The following TMEM131 variants were observed in gnomAD, a reference collection of about 807,000 sequenced individuals.
The protein encoded by TMEM131 is 2610524E03Rik.
Under a neutral mutation model 211.6 loss-of-function variants are expected in TMEM131, and 66 were observed. The observed-to-expected ratio is 0.31, with a 90% CI of 0.26 to 0.38. TMEM131 has a LOEUF of 0.38. TMEM131 is among the 10% of genes least tolerant of loss of function. The pLI is 1.00. For missense variants in TMEM131, 2,036 were observed against 2,299.3 expected (o/e 0.89, Z 2.34); for synonymous variants, 844 against 841.3 (o/e 1.00, Z -0.06).
Position 97,906,297 on chromosome 2 carries a change from C to A in TMEM131, c.290+2361G>T, listed in dbSNP as rs186701921. 3.3e-5 allele frequency among the ~76,000 whole-genome samples: 5 copies of A among 152,214 alleles called. No homozygotes were observed. The East Asian group carries it at 9.7e-4, about 29-fold the overall frequency. ...ACTAAGACATGTTTTAGGGCTTAAC[C>A]CAGTCCCATACCCAATCTGCATACT... On this transcript the variant is annotated intron_variant, in intron 3 of 40. Transcript: ENST00000186436.
chr2:97,818,416 A>AT (rs1681936855), intron 12 of TMEM131, among the ~76,000 whole-genome samples, 197 bp downstream of exon 12: 1 of 119,928 alleles, frequency 8.3e-6, no homozygotes, highest in Non-Finnish European at 1.6e-5. Context: ...AAGTTGTGGT[A>AT]TTTTCTCTCA....
rs1014319659 is a variant in TMEM131 at position 97,827,201 on chromosome 2, G to A, written c.1074+6164C>T. On this transcript the variant is annotated intron_variant, in intron 11 of 40. Transcript: ENST00000186436. ...GCCCAGTTTCGTGAAGGCTCTTGGC[G>A]CGCCGCGGCCCGCAGGCACCTGGCA... is the stretch of plus-strand genomic sequence containing the variant. 34 of 690,650 alleles carry A rather than the reference G, an allele frequency of 4.9e-5. 1 individual carries two copies. Among genetic ancestry groups the A allele is most frequent in the Admixed American group, 8.6e-5 (4 of 46,578 alleles). The allele number at this position is 690,650 out of a possible 1,614,324, so 42.8% of individuals were successfully genotyped here. A position where few individuals can be genotyped will look rare whatever the true frequency, so the allele number is the denominator to read the frequency against.
intron 1 of TMEM131, among the ~76,000 whole-genome samples, chr2:97,959,337 C>T (rs1638535231): frequency 6.6e-6 from 1 of 152,108 alleles, no homozygotes; most frequent in Non-Finnish European, 1.5e-5. Context: ...AAGAGCTGGA[C>T]AGGTTTGAAG....
intron 2 of TMEM131, chr2:97,913,014 T>C (rs1177654333): frequency 6.6e-6 from 1 of 152,236 alleles, no homozygotes; most frequent in Non-Finnish European, 1.5e-5. Flanking sequence ...GCAATTTTGT[T>C]TCCCTGGGGG....
chr2:97,772,233 G>A (rs901199259), intron 33 of TMEM131, 64 bp downstream of exon 33: 9 of 1,566,370 alleles, frequency 5.7e-6, no homozygotes, highest in Non-Finnish European at 6.9e-6. Context: ...AATCAAAACA[G>A]CACCTGGTTT....
intron 4 of TMEM131, among the ~76,000 whole-genome samples, chr2:97,863,560 T>C (rs1394904646): frequency 6.6e-6 from 1 of 151,976 alleles, no homozygotes; most frequent in South Asian, 2.1e-4. Flanking sequence ...AAGGAAAAAA[T>C]CTAATAACCT....
chr2:97,773,055 T>G (rs985568775), intron 32 of TMEM131, among the ~76,000 whole-genome samples: 11 of 152,212 alleles, frequency 7.2e-5, no homozygotes, highest in African/African-American at 2.4e-4. Context: ...AAACACTGTA[T>G]TTCCTTAAAA....
intron 11 of TMEM131, among the ~76,000 whole-genome samples, chr2:97,827,068 CAAAAA>C (rs66841026): frequency 2.1e-5 from 2 of 93,680 alleles, no homozygotes; most frequent in African/African-American, 4.1e-5. Flanking sequence ...AAGTGATAAG[CAAAAA>C]AAAAAAAAAA....
chr2:97,758,289 CAA>C (rs913567161), intron 40 of TMEM131, among the ~76,000 whole-genome samples: 2 of 152,142 alleles, frequency 1.3e-5, no homozygotes, highest in Admixed American at 6.5e-5. Context: ...TCTCTGAGAA[CAA>C]AGAGGCAAAC....
At chr2:97,955,475 T>C (rs955728756) in intron 1 of TMEM131, among the ~76,000 whole-genome samples, 3 of 152,034 alleles carry the variant, frequency 2.0e-5, no homozygotes, top group East Asian at 1.9e-4. Context: ...ATAAAATGCA[T>C]ACAGATCAGG....
chr2:97,811,372 T>A lies in TMEM131; in HGVS notation c.1864-140A>T. ...ATGACACTGAATTACCATATCACTG[T>A]GTACAAATATCTCAAAATAGTGTCC... On this transcript the variant is annotated intron_variant, in intron 17 of 40. Coordinates refer to ENST00000186436, the MANE Select transcript of TMEM131 (RefSeq NM_015348.2). 10 of 658,088 alleles carry A rather than the reference T, an allele frequency of 1.5e-5. No homozygotes were observed. In the South Asian group the frequency reaches 1.7e-4, roughly 11 times the overall value. The allele number at this position is 658,088 out of a possible 1,614,324, so 40.8% of individuals were successfully genotyped here. A position where few individuals can be genotyped will look rare whatever the true frequency, so the allele number is the denominator to read the frequency against.
Position 97,988,681 on chromosome 2 carries a change from C to T in TMEM131, c.187+6795G>A, listed in dbSNP as rs72817729. On this transcript the variant is annotated intron_variant, in intron 1 of 40. Transcript: ENST00000186436. ...AAGGATATGAAAAGACGCTCAATAT[C>T]ATTAATCATTAGAAAAATGCAAATC... Among the ~76,000 whole-genome samples, 1,285 of 152,136 alleles carry T rather than the reference C, an allele frequency of 8.4e-3. 12 individuals carry two copies. The highest frequency in any genetic ancestry group is 0.012 in the Admixed American group (187 of 15,282).
chr2:97,758,886 T>C lies in TMEM131; in HGVS notation c.5367+7A>G. 6.2e-7 allele frequency: 1 copy of C among 1,606,020 alleles called. No homozygotes were observed. On this transcript the variant is annotated splice_region_variant and intron_variant, in intron 40 of 40. Transcript: ENST00000186436. ...TCCAGGCCCCAGCCCCAGCCCCAAG[T>C]ACTCACTGTGGCTGTGTGGGTCGGG...
chr2:97,923,636 A>AAAAAAAAAAAAAG (rs1676846151), intron 2 of TMEM131, among the ~76,000 whole-genome samples: 2 of 148,198 alleles, frequency 1.3e-5, no homozygotes, highest in East Asian at 4.0e-4. Flanking sequence ...TTTAAAAAAA[A>AAAAAAAAAAAAAG]AAAAAAAAAA....
At chr2:97,796,511 C>A in intron 27 of TMEM131, 107 bp from the exon 28 acceptor site, 1 of 739,944 alleles carries the variant, frequency 1.4e-6, no homozygotes, top group East Asian at 2.8e-5. Flanking sequence ...AGGTTATAAA[C>A]CATCCCTGCA....
chr2:97,915,272 A>C (rs1193427800), intron 2 of TMEM131, among the ~76,000 whole-genome samples: 1 of 152,156 alleles, frequency 6.6e-6, no homozygotes, highest in Non-Finnish European at 1.5e-5. Context: ...ATTTTCTCCT[A>C]GTCTATATTT....
intron 35 of TMEM131, chr2:97,763,808 C>T (rs1044064980): frequency 6.6e-6 from 1 of 152,226 alleles, no homozygotes; most frequent in Non-Finnish European, 1.5e-5. Flanking sequence ...TTTCACAGGG[C>T]CCAGAACTAC....
rs1679686024 is a variant in TMEM131 at position 97,775,639 on chromosome 2, T to A, written c.4320+204A>T. 2.0e-5 allele frequency among the ~76,000 whole-genome samples: 3 copies of A among 152,214 alleles called. No individual in the cohort carries two copies. In the South Asian group the frequency reaches 6.2e-4, roughly 32 times the overall value. On this transcript the variant is annotated intron_variant, in intron 32 of 40. Transcript: ENST00000186436. Reference sequence around the variant, plus strand: ...TCTTCCCTGGAGGACATGGAGCCATTCATCCCCACAGCTGTGACTGTTGTC... The same window carrying A: ...TCTTCCCTGGAGGACATGGAGCCATACATCCCCACAGCTGTGACTGTTGTC...
At chr2:97,766,683 T>C (rs1679184748) in intron 33 of TMEM131, 81 bp from the exon 34 acceptor site, 1 of 1,536,922 alleles carries the variant, frequency 6.5e-7, no homozygotes, top group Non-Finnish European at 8.9e-7. Flanking sequence ...GTAATTCTTC[T>C]ACAATACAAC....
Sources: allele counts gnomAD v4.1 joint callset (sites outside exome capture counted in the v4.1 genomes callset), GRCh38; gene constraint gnomAD v4.1.1; transcripts MANE v1.5; gene names NCBI Gene and HGNC (gene_info 2026-07-23, HGNC 2026-07-21).